The following GPR155 variants were observed in gnomAD, a reference collection of about 807,000 sequenced individuals.
GPR155 encodes G protein-coupled receptor 155.
GPR155 carries 65 observed loss-of-function variants against 93.1 expected under a neutral mutation model. The ratio of observed to expected loss-of-function variants is 0.70; its 90% CI spans 0.57 to 0.86. The LOEUF (loss-of-function observed/expected upper bound fraction) is 0.86. GPR155 is among the 40% of genes least tolerant of loss of function. The pLI is 0.00. For missense variants in GPR155, 838 were observed against 1,034.8 expected (o/e 0.81, Z 2.61); for synonymous variants, 319 against 360.1 (o/e 0.89, Z 1.29).
At chr2:174,476,499 G>A (rs1180986729) in intron 2 of GPR155, among the ~76,000 whole-genome samples, 1 of 152,182 alleles carries the variant, frequency 6.6e-6, no homozygotes, top group Non-Finnish European at 1.5e-5. Context: ...AGCTACTTGG[G>A]AGGCTGAGGC....
intron 15 of GPR155, among the ~76,000 whole-genome samples, chr2:174,438,182 G>A (rs1686846755): frequency 6.6e-6 from 1 of 152,022 alleles, no homozygotes; most frequent in African/African-American, 2.4e-5. Context: ...TGGGGCTGCA[G>A]TGAGATTGCG....
chr2:174,465,480 C>T (rs1687811981), intron 7 of GPR155, among the ~76,000 whole-genome samples: 1 of 152,192 alleles, frequency 6.6e-6, no homozygotes, highest in African/African-American at 2.4e-5. Context: ...CCGCCTTTCT[C>T]CATCTGCCTT....
intron 11 of GPR155, 36 bp downstream of exon 11, chr2:174,453,701 C>T (rs754546395): frequency 2.2e-6 from 2 of 896,694 alleles, no homozygotes; most frequent in Non-Finnish European, 1.9e-6. Context: ...AATCTTCTGT[C>T]CCTTAATCCC....
intron 14 of GPR155, 107 bp from the exon 15 acceptor site, chr2:174,440,142 C>T: frequency 7.4e-6 from 6 of 813,244 alleles, no homozygotes; most frequent in Non-Finnish European, 1.2e-5. Context: ...TGTCGATCAC[C>T]AAAGCTGTCA....
intron 11 of GPR155, among the ~76,000 whole-genome samples, chr2:174,449,283 A>C (rs1473252714): frequency 6.6e-6 from 1 of 152,214 alleles, no homozygotes; most frequent in East Asian, 1.9e-4. Context: ...ATTGGTGGGA[A>C]TGTAAATTAG....
In GPR155 at chr2:174,436,006, A is replaced by G; in HGVS notation, c.*110T>C. 1.3e-6 allele frequency: 1 copy of G among 781,724 alleles called. No individual in the cohort carries two copies. Among genetic ancestry groups the G allele is most frequent in the African/African-American group, 1.7e-5 (1 of 57,614 alleles). 48.4% of individuals were successfully genotyped at this position (781,724 alleles called of 1,614,324 possible). A position where few individuals can be genotyped will look rare whatever the true frequency, so the allele number is the denominator to read the frequency against. On this transcript the variant is annotated 3_prime_UTR_variant, in exon 16 of 16. Transcript: ENST00000392552. ...CTTTTCACATTTTACAGAAGAGACA[A>G]CTGAGGCTCAGAGAGGTTGCCTCTG...
At chr2:174,452,749 A>T (rs1320967260) in intron 11 of GPR155, among the ~76,000 whole-genome samples, 1 of 151,998 alleles carries the variant, frequency 6.6e-6, no homozygotes, top group Non-Finnish European at 1.5e-5. Context: ...GTGTTCAAGC[A>T]ATTCTCCTGC....
chr2:174,460,568 G>A (rs1687661037), intron 9 of GPR155, among the ~76,000 whole-genome samples: 1 of 152,056 alleles, frequency 6.6e-6, no homozygotes, highest in South Asian at 2.1e-4. Context: ...TAAGTTACTT[G>A]GAGAGAAATT....
intron 7 of GPR155, among the ~76,000 whole-genome samples, chr2:174,462,415 A>C (rs2105710660): frequency 6.6e-6 from 1 of 152,094 alleles, no homozygotes; most frequent in South Asian, 2.1e-4. Flanking sequence ...GGTTCAAGCA[A>C]TTTTCATGCC....
chr2:174,484,653 A>G (rs999856512), intron 1 of GPR155, among the ~76,000 whole-genome samples: 2 of 152,338 alleles, frequency 1.3e-5, no homozygotes, highest in Admixed American at 1.3e-4. Context: ...TATAGGGATC[A>G]GTCATAGCAG....
At chr2:174,481,424 T>C in intron 2 of GPR155, 73 bp downstream of exon 2, 1 of 864,708 alleles carries the variant, frequency 1.2e-6, no homozygotes, top group South Asian at 1.8e-5. Context: ...AGAGTAAGAA[T>C]CTGTTACTAA....
At chr2:174,439,389 C>G (rs1405748030) in intron 15 of GPR155, among the ~76,000 whole-genome samples, 1 of 152,090 alleles carries the variant, frequency 6.6e-6, no homozygotes, top group Admixed American at 6.6e-5. Flanking sequence ...CTATATACTT[C>G]ATACCTTAAG....
At chr2:174,452,917 T>A (rs1204490494) in intron 11 of GPR155, among the ~76,000 whole-genome samples, 1 of 152,256 alleles carries the variant, frequency 6.6e-6, no homozygotes, top group Non-Finnish European at 1.5e-5. Flanking sequence ...CCCAAAGTGC[T>A]GGGATTACAG....
chr2:174,445,013 C>G, intron 13 of GPR155, 68 bp downstream of exon 13: 1 of 784,238 alleles, frequency 1.3e-6, no homozygotes, highest in Non-Finnish European at 2.3e-6. Flanking sequence ...CCCCGCTTCC[C>G]CCGACCCCCT....
At chr2:174,479,097 G>A (rs1055230833) in intron 2 of GPR155, among the ~76,000 whole-genome samples, 5 of 152,036 alleles carry the variant, frequency 3.3e-5, no homozygotes, top group African/African-American at 7.2e-5. Flanking sequence ...ATTATACCTC[G>A]AAATCAACAA....
At chr2:174,446,873 T>C (rs1559100475) in intron 11 of GPR155, 126 bp from the exon 12 acceptor site, 1 of 850,462 alleles carries the variant, frequency 1.2e-6, no homozygotes, top group Non-Finnish European at 1.9e-6. Flanking sequence ...TATATTATTT[T>C]AGATGAAATT....
chr2:174,440,007 T>C lies in GPR155; in HGVS notation c.2203A>G (p.Thr735Ala), dbSNP rs752557167. Reference protein sequence around the residue: ...RLEFLWNNKDTAENRDSPVSE... With the variant: ...RLEFLWNNKDAAENRDSPVSE... ...ACAGGAGAATCCCTGTTTTCTGCTG[T>C]GTCTTTATTGTTCCATAGGAATTCA... is the stretch of plus-strand genomic sequence containing the variant. Residue 735 changes from threonine (T) to alanine (A), a missense_variant, in exon 15 of 16, where the codon ACA becomes GCA. Physicochemically the swap from Thr to Ala is moderately conservative, Grantham distance 58. Transcript: ENST00000392552. 3 of 1,611,586 alleles carry C rather than the reference T, an allele frequency of 1.9e-6. No individual in the cohort carries two copies. In the Admixed American group the frequency reaches 5.0e-5, roughly 27 times the overall value.
chr2:174,461,340 G>T, intron 9 of GPR155, 62 bp downstream of exon 9: 1 of 933,444 alleles, frequency 1.1e-6, no homozygotes, highest in Non-Finnish European at 1.7e-6. Context: ...AGTCTAGCAA[G>T]GCACATAACG....
At chr2:174,437,784 ATGTTGGTCAGGCTGGTCTCG>A (rs1273712123) in intron 15 of GPR155, among the ~76,000 whole-genome samples, 4 of 151,462 alleles carry the variant, frequency 2.6e-5, no homozygotes, top group African/African-American at 9.7e-5. Flanking sequence ...GGATTTCTCC[ATGTTGGTCAGGCTGGTCTCG>A]AACTCCCGAC....
Sources: gnomAD v4.1 joint callset for allele counts (sites outside exome capture counted in the v4.1 genomes callset) on GRCh38, gnomAD v4.1.1 for gene constraint, MANE v1.5 for transcripts, NCBI Gene and HGNC (gene_info 2026-07-23, HGNC 2026-07-21) for gene names.